KLHL6: variants seen among roughly 807,000 people sequenced by gnomAD.
KLHL6 encodes kelch-like protein 6.
Under a neutral mutation model 58.6 loss-of-function variants are expected in KLHL6, and 41 were observed. The observed-to-expected ratio is 0.70, with a 90% confidence interval of 0.55 to 0.91. The LOEUF is 0.91. Among genes scored for constraint, KLHL6 ranks in the 40% least tolerant of loss-of-function variants. KLHL6 has a pLI of 0.00. For synonymous variants in KLHL6, 338 were observed against 322.7 expected (o/e 1.05, Z -0.51); for missense variants, 714 against 805.6 (o/e 0.89, Z 1.38).
At chr3:183,518,328 T>C (rs747164920) in intron 2 of KLHL6, among the ~76,000 whole-genome samples, 1 of 152,172 alleles carries the variant, frequency 6.6e-6, no homozygotes, top group African/African-American at 2.4e-5. Flanking sequence ...TGGTTCTACC[T>C]AGCCTGCTCG....
chr3:183,505,086 T>C (rs1217039447), intron 3 of KLHL6, among the ~76,000 whole-genome samples: 1 of 152,350 alleles, frequency 6.6e-6, no homozygotes, highest in East Asian at 1.9e-4. Context: ...ACTGAATAAA[T>C]GCTGAACTGA....
chr3:183,528,374 A>G (rs148514610), intron 1 of KLHL6, among the ~76,000 whole-genome samples: 17 of 152,302 alleles, frequency 1.1e-4, no homozygotes, highest in Non-Finnish European at 1.9e-4. Context: ...TGACTCTCAC[A>G]CTAGCTCTCG....
At chr3:183,519,092 A>G (rs1443477752) in intron 2 of KLHL6, among the ~76,000 whole-genome samples, 2 of 152,164 alleles carry the variant, frequency 1.3e-5, no homozygotes, top group Non-Finnish European at 2.9e-5. Flanking sequence ...AGCAGATGAG[A>G]TGAGAGTGTA....
intron 3 of KLHL6, among the ~76,000 whole-genome samples, chr3:183,507,079 G>T (rs375266839): frequency 1.4e-4 from 22 of 152,258 alleles, no homozygotes; most frequent in African/African-American, 5.1e-4. Context: ...AGAGAAGCAG[G>T]CAGGAGATTA....
At chr3:183,550,424 TACAC>T (rs368493113) in intron 1 of KLHL6, among the ~76,000 whole-genome samples, 4 of 151,232 alleles carry the variant, frequency 2.6e-5, no homozygotes, top group Admixed American at 1.3e-4. Flanking sequence ...AAAACACACA[TACAC>T]ACACACACAC....
chr3:183,504,370 C>A (rs1717947317), intron 3 of KLHL6, among the ~76,000 whole-genome samples: 1 of 152,178 alleles, frequency 6.6e-6, no homozygotes, highest in African/African-American at 2.4e-5. Context: ...ATTGTGGAGT[C>A]AAGATTAACA....
chr3:183,501,481 G>A (rs746773035), intron 3 of KLHL6, among the ~76,000 whole-genome samples: 1 of 152,126 alleles, frequency 6.6e-6, no homozygotes, highest in African/African-American at 2.4e-5. Flanking sequence ...CTTCACTTCC[G>A]GGAACCAGGC....
chr3:183,517,328 G>T (rs1228215373), intron 2 of KLHL6, among the ~76,000 whole-genome samples: 2 of 152,202 alleles, frequency 1.3e-5, no homozygotes, highest in Admixed American at 1.3e-4. Context: ...CTAAAAATTT[G>T]TGAATTACCA....
At chr3:183,493,576 G>A (rs1178323075) in intron 5 of KLHL6, 1 of 160,662 alleles carries the variant, frequency 6.2e-6, no homozygotes, top group Non-Finnish European at 1.4e-5. Flanking sequence ...ATATATACCT[G>A]AGGTTGCATT....
At chr3:183,512,878 C>T (rs1427786646) in intron 2 of KLHL6, among the ~76,000 whole-genome samples, 1 of 151,756 alleles carries the variant, frequency 6.6e-6, no homozygotes, top group Admixed American at 6.6e-5. Context: ...ACTGTAATTC[C>T]CATCCAATTT....
chr3:183,497,957 C>A (rs772647445), intron 4 of KLHL6, among the ~76,000 whole-genome samples: 6 of 152,122 alleles, frequency 3.9e-5, no homozygotes, highest in Non-Finnish European at 8.8e-5. Context: ...CAATTAAGGC[C>A]GGGCGCAGTG....
At chr3:183,553,506 C>T (rs578023487) in intron 1 of KLHL6, among the ~76,000 whole-genome samples, 24 of 152,312 alleles carry the variant, frequency 1.6e-4, no homozygotes, top group African/African-American at 5.8e-4. Context: ...ATGTGCGTCC[C>T]CAGGGCATTG....
Position 183,499,461 on chromosome 3 carries a change from T to C in KLHL6, c.1147+129A>G. The stretch of plus-strand genomic sequence containing the variant: ...GACCACCTGAGCTCCTGGGTCCATA[T>C]CCTGTCTCAGTCAGAGCCGGATCAT... On this transcript the variant is annotated intron_variant, in intron 4 of 6. Transcript: ENST00000341319. This position sits in a 1 kb window ranked among gnomAD's most constrained non-coding sequence, Gnocchi z 4.6. 2 of 658,258 alleles carry C rather than the reference T, an allele frequency of 3.0e-6. No individual in the cohort carries two copies. The highest frequency in any genetic ancestry group is 2.1e-5 in the South Asian group (1 of 48,776). The allele number at this position is 658,258 out of a possible 1,614,324, so 40.8% of individuals were successfully genotyped here.
rs1046590821 is a variant in KLHL6, at chr3:183,492,370, C to T, written c.1564+124G>A. 1 of 1,306,186 alleles carries T rather than the reference C, an allele frequency of 7.7e-7. No individual in the cohort carries two copies. The highest frequency in any genetic ancestry group is 1.1e-6 in the Non-Finnish European group (1 of 944,100). 80.9% of individuals were successfully genotyped at this position (1,306,186 alleles called of 1,614,324 possible). On this transcript the variant is annotated intron_variant, in intron 6 of 6. Transcript: ENST00000341319. The surrounding 1 kb of genome is among the most constrained non-coding windows in gnomAD (Gnocchi z 5.9). ...GTCGATTGATGGCTCTCCTGAAAGC[C>T]AGAGTGGGTCCTAGGGGCAGTGAGT...
intron 2 of KLHL6, among the ~76,000 whole-genome samples, chr3:183,525,196 G>A (rs998948796): frequency 1.1e-4 from 17 of 151,228 alleles, no homozygotes; most frequent in Non-Finnish European, 4.4e-5. Context: ...CCCGGGAGGC[G>A]GAGGTTGCAG....
chr3:183,511,460 G>A (rs533280884), intron 2 of KLHL6, among the ~76,000 whole-genome samples: 1 of 152,232 alleles, frequency 6.6e-6, no homozygotes, highest in Non-Finnish European at 1.5e-5. Flanking sequence ...CAACTGCAAG[G>A]GACTTTCCTC....
At chr3:183,511,828 A>T (rs4859199) in intron 2 of KLHL6, among the ~76,000 whole-genome samples, 1 of 151,998 alleles carries the variant, frequency 6.6e-6, no homozygotes, top group South Asian at 2.1e-4. Context: ...ACAGCATCTC[A>T]GGGCAGAGCA....
rs965273749 is a variant in KLHL6 at position 183,490,129 on chromosome 3, G to A, written c.*1798C>T. 6 of 152,286 alleles carry A rather than the reference G, an allele frequency of 3.9e-5. No homozygotes were observed. In the East Asian group the frequency reaches 7.7e-4, roughly 20 times the overall value. 9.4% of individuals were successfully genotyped at this position (152,286 alleles called of 1,614,324 possible). ...GAATTTCCAGTGAGCTCATTTGAAA[G>A]CTGTAGCTCTTACAGTGAAGGACAG... On this transcript the variant is annotated 3_prime_UTR_variant, in exon 7 of 7. Transcript: ENST00000341319.
In KLHL6 at chr3:183,490,811, G is replaced by C. The variant is rs974589541; in HGVS notation, c.*1116C>G. The C allele has an allele frequency of 4.6e-5, 7 of 151,612 alleles. No individual in the cohort carries two copies. Among genetic ancestry groups the C allele is most frequent in the African/African-American group, 1.5e-4 (6 of 41,248 alleles). The allele number at this position is 151,612 out of a possible 1,614,324, so 9.4% of individuals were successfully genotyped here. A position where few individuals can be genotyped will look rare whatever the true frequency, so the allele number is the denominator to read the frequency against. On this transcript the variant is annotated 3_prime_UTR_variant, in exon 7 of 7. Coordinates refer to ENST00000341319, the MANE Select transcript of KLHL6 (RefSeq NM_130446.4). ...CTTCATCTCAAAAAAAAAAAAAAGA[G>C]GGTTTCAATGGGAGGAGGACAGAAC...
Sources: allele counts gnomAD v4.1 joint callset (sites outside exome capture counted in the v4.1 genomes callset), GRCh38; gene constraint gnomAD v4.1.1; non-coding constraint Gnocchi (gnomAD v3.1); transcripts MANE v1.5; gene names NCBI Gene and HGNC (gene_info 2026-07-23, HGNC 2026-07-21).